Variants in NFATC1 observed in about 807,000 individuals in gnomAD.
NFATC1 encodes nuclear factor of activated T-cells, cytoplasmic 1.
A neutral mutation model predicts 76.0 loss-of-function variants in NFATC1; 22 were observed. That is an observed-to-expected ratio of 0.29 (90% CI 0.21 to 0.41). The LOEUF is 0.41. NFATC1 is among the 10% of genes least tolerant of loss of function. The probability of loss-of-function intolerance (pLI) is 1.00; values close to 1 mark genes in which losing one functional copy is unlikely to be tolerated. For synonymous variants in NFATC1, 704 were observed against 613.1 expected (o/e 1.15, Z -2.19); for missense variants, 1,357 against 1,337.7 (o/e 1.01, Z -0.23).
chr18:79,478,311 G>A (rs2089156907), intron 8 of NFATC1, among the ~76,000 whole-genome samples: 1 of 152,138 alleles, frequency 6.6e-6, no homozygotes, highest in Admixed American at 6.5e-5. Flanking sequence ...CCCTGATCTG[G>A]GAGCCGTGAA....
intron 8 of NFATC1, chr18:79,470,027 G>A (rs540275513): frequency 1.4e-5 from 14 of 985,070 alleles, no homozygotes; most frequent in Middle Eastern, 5.2e-4. Context: ...CCAGGTATCC[G>A]TGTTCCGTCC....
At chr18:79,521,974 G>A (rs1159395002) in intron 9 of NFATC1, among the ~76,000 whole-genome samples, 1 of 112,558 alleles carries the variant, frequency 8.9e-6, no homozygotes, top group Non-Finnish European at 1.8e-5. Flanking sequence ...CTGTGTGTGG[G>A]GAGGGGGCAT....
chr18:79,463,082 C>T (rs773323609), intron 7 of NFATC1, among the ~76,000 whole-genome samples: 1 of 152,360 alleles, frequency 6.6e-6, no homozygotes, highest in Non-Finnish European at 1.5e-5. Flanking sequence ...GCCCTTCCCC[C>T]AAGGACCCAT....
intron 1 of NFATC1, among the ~76,000 whole-genome samples, chr18:79,403,429 G>C (rs776922302): frequency 6.6e-6 from 1 of 152,202 alleles, no homozygotes; most frequent in Non-Finnish European, 1.5e-5. Flanking sequence ...AGCAGGCCCC[G>C]GGCTTCCCTC....
chr18:79,400,350 G>A, intron 1 of NFATC1: 1 of 1,397,944 alleles, frequency 7.2e-7, no homozygotes, highest in Non-Finnish European at 9.3e-7. Context: ...ACCCCTGGCG[G>A]CCGCGACCCC....
At chr18:79,470,742 T>G (rs1270075386) in intron 8 of NFATC1, 1 of 152,326 alleles carries the variant, frequency 6.6e-6, no homozygotes, top group Non-Finnish European at 1.5e-5. Context: ...CGGCCCCGCC[T>G]CCCGTCTTCA....
At chr18:79,431,583 G>T (rs549586344) in intron 2 of NFATC1, among the ~76,000 whole-genome samples, 10 of 152,268 alleles carry the variant, frequency 6.6e-5, no homozygotes, top group Non-Finnish European at 1.3e-4. Flanking sequence ...TAGAGATGGG[G>T]TCTCTCCATG....
chr18:79,445,625 G>A (rs11874684), intron 3 of NFATC1, among the ~76,000 whole-genome samples: 2,004 of 152,314 alleles, frequency 0.013, 50 homozygotes, highest in African/African-American at 0.046. Context: ...TTTGTGAGCC[G>A]GATTTTCTGT....
chr18:79,477,443 G>A (rs969142930), intron 8 of NFATC1, among the ~76,000 whole-genome samples: 3 of 152,234 alleles, frequency 2.0e-5, no homozygotes, highest in East Asian at 1.9e-4. Context: ...GCAGCTCAGC[G>A]TTAGATCTCC....
At chr18:79,504,516 A>G (rs8091512) in intron 9 of NFATC1, among the ~76,000 whole-genome samples, 9,702 of 152,278 alleles carry the variant, frequency 0.064, 412 homozygotes, top group Admixed American at 0.097. Flanking sequence ...TGACAACAGT[A>G]ACCCCAAAGA....
At chr18:79,488,023 G>C (rs987140589) in intron 9 of NFATC1, among the ~76,000 whole-genome samples, 1 of 152,166 alleles carries the variant, frequency 6.6e-6, no homozygotes, top group Non-Finnish European at 1.5e-5. Flanking sequence ...GTGGCCTGGG[G>C]TCCAGGCGAG....
chr18:79,426,288 C>T (rs1401528523), intron 2 of NFATC1, among the ~76,000 whole-genome samples: 1 of 143,302 alleles, frequency 7.0e-6, no homozygotes, highest in Admixed American at 6.8e-5. Context: ...ATCTCTGTCG[C>T]GAGCTTTCGG....
chr18:79,436,876 C>A (rs2086798122), intron 3 of NFATC1, among the ~76,000 whole-genome samples: 2 of 152,290 alleles, frequency 1.3e-5, no homozygotes, highest in East Asian at 1.9e-4. Context: ...CCTGCCGTCT[C>A]TGTGGGGATG....
At chr18:79,510,827 C>T (rs1249250246) in intron 9 of NFATC1, among the ~76,000 whole-genome samples, 1 of 12,560 alleles carries the variant, frequency 8.0e-5, no homozygotes, top group African/African-American at 2.0e-4. Flanking sequence ...TCTGCCGGGG[C>T]ATCCTCTGCC....
chr18:79,483,600 T>C (rs1265341205), intron 8 of NFATC1, among the ~76,000 whole-genome samples: 1 of 134,960 alleles, frequency 7.4e-6, no homozygotes. Context: ...GGGGCGTCAC[T>C]CCGGCGTGAC....
At chr18:79,527,231 G>C (rs763928375) in intron 9 of NFATC1, 7 of 336,668 alleles carry the variant, frequency 2.1e-5, no homozygotes, top group Admixed American at 8.2e-5. Context: ...GACAGCCACA[G>C]CATCTTCCCA....
intron 8 of NFATC1, among the ~76,000 whole-genome samples, chr18:79,473,995 C>T (rs1355591609): frequency 2.5e-5 from 3 of 122,402 alleles, no homozygotes; most frequent in East Asian, 5.9e-4. Flanking sequence ...GCGAGGGAAG[C>T]GTTTTCACAC....
At chr18:79,484,377 A>G (rs573629544) in intron 8 of NFATC1, among the ~76,000 whole-genome samples, 31 of 152,076 alleles carry the variant, frequency 2.0e-4, no homozygotes, top group Non-Finnish European at 1.9e-4. Flanking sequence ...TGGAATCACA[A>G]TGGCCCCGTG....
At chr18:79,494,885 C>T (rs1372145612) in intron 9 of NFATC1, among the ~76,000 whole-genome samples, 1 of 142,850 alleles carries the variant, frequency 7.0e-6, no homozygotes, top group Non-Finnish European at 1.5e-5. Flanking sequence ...GGGCACACGC[C>T]CCCCATGAAC....
Sources: allele counts gnomAD v4.1 joint callset (sites outside exome capture counted in the v4.1 genomes callset), GRCh38; gene constraint gnomAD v4.1.1; transcripts MANE v1.5; gene names NCBI Gene and HGNC (gene_info 2026-07-23, HGNC 2026-07-21).